Variants in TMEM221 observed in about 807,000 individuals in gnomAD.
TMEM221 encodes the protein Putative transmembrane protein ENSP00000342162.
TMEM221 carries 11 observed loss-of-function variants against 10.2 expected under a neutral mutation model. The ratio of observed to expected loss-of-function variants is 1.08; its 90% CI spans 0.68 to 1.79. The LOEUF is 1.79. Ranked by LOEUF, TMEM221 falls within the 40% of genes most tolerant of loss-of-function variation. TMEM221 has a pLI of 0.00. For missense variants in TMEM221, 382 were observed against 417.7 expected (o/e 0.91, Z 0.75); for synonymous variants, 172 against 199.8 (o/e 0.86, Z 1.18).
At chr19:17,445,117 A>G in intron 2 of TMEM221, 82 bp downstream of exon 2, 1 of 1,281,416 alleles carries the variant, frequency 7.8e-7, no homozygotes, top group Non-Finnish European at 1.1e-6. Flanking sequence ...GGCTGTCTGC[A>G]GAGTTGATCC....
chr19:17,437,871 TCTC>T (rs923629307), intron 2 of TMEM221, among the ~76,000 whole-genome samples: 3 of 150,620 alleles, frequency 2.0e-5, no homozygotes, highest in East Asian at 1.9e-4. Context: ...GTGTGGGTCT[TCTC>T]CTTCTTCTCC....
Position 17,445,198 on chromosome 19 carries a change from C to G in TMEM221, c.406+1G>C, listed in dbSNP as rs760536342. ...GCCCCACGTTCTATTCCAGCACACA[C>G]CTGCTAAATAGACGGAGATCCCACA... On this transcript the variant is annotated splice_donor_variant, in intron 2 of 2. Coordinates refer to ENST00000341130, the MANE Select transcript of TMEM221 (RefSeq NM_001190844.2). LOFTEE classifies it high-confidence loss of function. 3 of 1,535,254 alleles carry G rather than the reference C, an allele frequency of 2.0e-6. No individual in the cohort carries two copies. The African/African-American group carries it at 4.1e-5, about 21-fold the overall frequency.
intron 2 of TMEM221, among the ~76,000 whole-genome samples, 187 bp from the exon 3 acceptor site, chr19:17,437,114 G>A (rs2074912895): frequency 6.6e-6 from 1 of 152,174 alleles, no homozygotes; most frequent in Admixed American, 6.6e-5. Context: ...AGAGAAGAAA[G>A]CTGGGGCCCA....
chr19:17,448,023 G>A lies in TMEM221; in HGVS notation c.320+120C>T, dbSNP rs1016461201. The A allele has an allele frequency of 8.1e-6, 6 of 739,422 alleles. No homozygotes were observed. In the African/African-American group the frequency reaches 1.1e-4, roughly 14 times the overall value. The allele number at this position is 739,422 out of a possible 1,614,324, so 45.8% of individuals were successfully genotyped here. A position where few individuals can be genotyped will look rare whatever the true frequency, so the allele number is the denominator to read the frequency against. Reference sequence around the variant, plus strand: ...AGGCAGAGAGACATGGAGTGGTGGGGAGAGGGAAGTGGGGAGGGAAGCTGT... The same window carrying A: ...AGGCAGAGAGACATGGAGTGGTGGGAAGAGGGAAGTGGGGAGGGAAGCTGT... On this transcript the variant is annotated intron_variant, in intron 1 of 2. Transcript: ENST00000341130. The surrounding 1 kb of genome is among the most constrained non-coding windows in gnomAD (Gnocchi z 4.7).
chr19:17,447,752 T>C (rs984171861), intron 1 of TMEM221, among the ~76,000 whole-genome samples: 2 of 152,212 alleles, frequency 1.3e-5, no homozygotes, highest in Admixed American at 6.5e-5. Context: ...ACACAGGCTC[T>C]GGCTGGCTCT....
Position 17,445,205 on chromosome 19 carries a change from A to C in TMEM221, c.400T>G (p.Leu134Val). 6.5e-7 allele frequency: 1 copy of C among 1,535,790 alleles called. No individual in the cohort carries two copies. The highest frequency in any genetic ancestry group is 2.4e-5 in the East Asian group (1 of 40,910). Residue 134 changes from leucine to valine, a missense_variant, in exon 2 of 3, where the codon TTA becomes GTA. Transcript: ENST00000341130. ...GLFCCGISVY[L>V]AALSIYALLL... ...GTTCTATTCCAGCACACACCTGCTA[A>C]ATAGACGGAGATCCCACAGCAGAAA...
chr19:17,448,549 T>A lies in TMEM221; in HGVS notation c.-87A>T. ...GGAGTTGGGGGGAATCCGAGGGTCC[T>A]CAGGGGGTCCCCGAGGGGGCGGGGC... On this transcript the variant is annotated 5_prime_UTR_variant, in exon 1 of 3. Transcript: ENST00000341130. The surrounding 1 kb of genome is among the most constrained non-coding windows in gnomAD (Gnocchi z 4.7). The A allele has an allele frequency of 4.9e-6, 5 of 1,010,308 alleles. No homozygotes were observed. Among genetic ancestry groups the A allele is most frequent in the South Asian group, 4.3e-5 (2 of 46,856 alleles). The allele number at this position is 1,010,308 out of a possible 1,614,324, so 62.6% of individuals were successfully genotyped here. A position where few individuals can be genotyped will look rare whatever the true frequency, so the allele number is the denominator to read the frequency against.
At chr19:17,445,364 G>C (rs2074948944) in intron 1 of TMEM221, 80 bp from the exon 2 acceptor site, 4 of 1,227,722 alleles carry the variant, frequency 3.3e-6, no homozygotes, top group African/African-American at 1.5e-5. Context: ...CAGGGAGGGA[G>C]AGCCGCTTAA....
intron 2 of TMEM221, among the ~76,000 whole-genome samples, chr19:17,442,797 T>G (rs1009050377): frequency 2.0e-5 from 3 of 151,872 alleles, no homozygotes; most frequent in Non-Finnish European, 2.9e-5. Context: ...TGAAGCCAAC[T>G]TCCCCTGACA....
intron 2 of TMEM221, among the ~76,000 whole-genome samples, chr19:17,442,939 T>TGA (rs2074937683): frequency 6.6e-6 from 1 of 152,122 alleles, no homozygotes; most frequent in South Asian, 2.1e-4. Flanking sequence ...ATTCCCACAG[T>TGA]GAGCCTTAGG....
At chr19:17,441,743 G>C (rs372123899) in intron 2 of TMEM221, among the ~76,000 whole-genome samples, 14 of 151,712 alleles carry the variant, frequency 9.2e-5, no homozygotes, top group African/African-American at 2.2e-4. Context: ...TTTCCAGGCT[G>C]TTTATACGCG....
chr19:17,443,957 G>C (rs1293088335), intron 2 of TMEM221, among the ~76,000 whole-genome samples: 1 of 147,342 alleles, frequency 6.8e-6, no homozygotes, highest in African/African-American at 2.5e-5. Flanking sequence ...ACAGTGTGAT[G>C]CGTTCCAGCA....
chr19:17,442,974 G>C (rs1016459187), intron 2 of TMEM221, among the ~76,000 whole-genome samples: 58 of 152,056 alleles, frequency 3.8e-4, no homozygotes, highest in African/African-American at 1.3e-3. Context: ...AAAATATTTT[G>C]AGGGCCTGGC....
intron 2 of TMEM221, among the ~76,000 whole-genome samples, chr19:17,443,744 G>A (rs543864308): frequency 3.3e-5 from 5 of 152,044 alleles, no homozygotes; most frequent in Admixed American, 6.6e-5. Flanking sequence ...CTGTAAAACA[G>A]ATTGTTTACA....
rs1193170395 is a variant in TMEM221, at chr19:17,436,820, G to C, written c.514C>G (p.Leu172Val). ...LVLVAVLTHT[L>V]LRAARAARRG... Reference sequence around the variant, plus strand: ...CGGGCAGCCCGGGCAGCCCGGAGGAGAGTGTGGGTCAGCACAGCCACCAGA... The same window carrying C: ...CGGGCAGCCCGGGCAGCCCGGAGGACAGTGTGGGTCAGCACAGCCACCAGA... The change falls in exon 3 of 3, where the codon CTC becomes GTC. Residue 172 changes from leucine (L) to valine (V), a missense_variant. Transcript: ENST00000341130. 6.7e-7 allele frequency: 1 copy of C among 1,502,960 alleles called. No individual in the cohort carries two copies. The allele number at this position is 1,502,960 out of a possible 1,614,324, so 93.1% of individuals were successfully genotyped here.
intron 2 of TMEM221, among the ~76,000 whole-genome samples, chr19:17,444,584 A>G (rs2074944915): frequency 1.5e-5 from 2 of 134,122 alleles, no homozygotes; most frequent in African/African-American, 5.7e-5. Flanking sequence ...AGTGCAGTGC[A>G]GTGGGGTGAT....
chr19:17,446,435 G>A (rs2074953597), intron 1 of TMEM221, among the ~76,000 whole-genome samples: 1 of 152,042 alleles, frequency 6.6e-6, no homozygotes, highest in African/African-American at 2.4e-5. Context: ...TACAAACCGC[G>A]ACCCCAAGAG....
rs55761523 is a variant in TMEM221, at chr19:17,436,824, G to A, written c.510C>T (p.His170=). The change falls in exon 3 of 3, where the codon CAC becomes CAT. Residue 170 remains histidine, a synonymous_variant. Coordinates refer to ENST00000341130, the MANE Select transcript of TMEM221 (RefSeq NM_001190844.2). Reference sequence around the variant, plus strand: ...CAGCCCGGGCAGCCCGGAGGAGAGTGTGGGTCAGCACAGCCACCAGAACCA... The same window carrying A: ...CAGCCCGGGCAGCCCGGAGGAGAGTATGGGTCAGCACAGCCACCAGAACCA... ...GTLVLVAVLT[H]TLLRAARAAR... The A allele has an allele frequency of 1.1e-3, 1,594 of 1,497,398 alleles. 14 individuals are homozygous for A. In the African/African-American group the frequency reaches 0.02, roughly 19 times the overall value. 92.8% of individuals were successfully genotyped at this position (1,497,398 alleles called of 1,614,324 possible). A position where few individuals can be genotyped will look rare whatever the true frequency, so the allele number is the denominator to read the frequency against.
chr19:17,442,627 A>G (rs909366586), intron 2 of TMEM221, among the ~76,000 whole-genome samples: 1 of 151,702 alleles, frequency 6.6e-6, no homozygotes, highest in East Asian at 2.0e-4. Flanking sequence ...CTTAGTAGAG[A>G]TGGAGTTTCA....
Sources: allele counts gnomAD v4.1 joint callset (sites outside exome capture counted in the v4.1 genomes callset), GRCh38; gene constraint gnomAD v4.1.1; non-coding constraint Gnocchi (gnomAD v3.1); transcripts MANE v1.5; gene names NCBI Gene and HGNC (gene_info 2026-07-23, HGNC 2026-07-21).